The following CCSER1 variants were observed in gnomAD, a reference collection of about 807,000 sequenced individuals.
CCSER1 encodes serine-rich coiled-coil domain-containing protein 1.
CCSER1 carries 41 observed loss-of-function variants against 82.0 expected under a neutral mutation model. That is an observed-to-expected ratio of 0.50 (90% CI 0.39 to 0.65). The LOEUF (loss-of-function observed/expected upper bound fraction) is 0.65, where lower values mean the gene tolerates loss of function less well. CCSER1 is among the 30% of genes least tolerant of loss of function. The probability of loss-of-function intolerance (pLI) is 0.00; values close to 1 mark genes in which losing one functional copy is unlikely to be tolerated. For missense variants in CCSER1, 1,119 were observed against 1,064.2 expected, an observed-to-expected ratio of 1.05 and a Z score of -0.72; for synonymous variants, 414 against 383.9, an observed-to-expected ratio of 1.08 and a Z score of -0.92.
intron 10 of CCSER1, among the ~76,000 whole-genome samples, chr4:91,182,152 G>A (rs916207723): frequency 1.3e-5 from 2 of 152,148 alleles, no homozygotes; most frequent in African/African-American, 2.4e-5. Flanking sequence ...CCTCCTCAGT[G>A]TCAGTCTCAA....
At chr4:91,175,791 G>T (rs1237127657) in intron 10 of CCSER1, among the ~76,000 whole-genome samples, 1 of 152,116 alleles carries the variant, frequency 6.6e-6, no homozygotes, top group Non-Finnish European at 1.5e-5. Context: ...TCACTCTGAT[G>T]GTGGTTTCTT....
At chr4:91,250,334 A>C (rs1437001320) in intron 10 of CCSER1, among the ~76,000 whole-genome samples, 1 of 152,124 alleles carries the variant, frequency 6.6e-6, no homozygotes, top group South Asian at 2.1e-4. Flanking sequence ...TGGAGCACTT[A>C]TTTATGCAAG....
intron 10 of CCSER1, among the ~76,000 whole-genome samples, chr4:91,261,812 A>G (rs1741202823): frequency 6.6e-6 from 1 of 152,184 alleles, no homozygotes; most frequent in Admixed American, 6.5e-5. Flanking sequence ...GATTTTTAAA[A>G]TTATTAAGCA....
chr4:91,579,458 G>A (rs896417545), intron 10 of CCSER1, among the ~76,000 whole-genome samples: 1 of 151,624 alleles, frequency 6.6e-6, no homozygotes, highest in African/African-American at 2.4e-5. Flanking sequence ...GCATCTATGT[G>A]ATGAAAACAT....
At chr4:91,207,608 A>G (rs754592909) in intron 10 of CCSER1, among the ~76,000 whole-genome samples, 7 of 151,744 alleles carry the variant, frequency 4.6e-5, no homozygotes, top group Non-Finnish European at 8.8e-5. Context: ...TATGTACCAC[A>G]TTTTCTTTAT....
At chr4:91,094,070 T>C (rs893553152) in intron 10 of CCSER1, among the ~76,000 whole-genome samples, 4 of 152,214 alleles carry the variant, frequency 2.6e-5, no homozygotes, top group Non-Finnish European at 5.9e-5. Flanking sequence ...GGACATCTTA[T>C]ACTCACAGTC....
chr4:91,457,025 A>G (rs1756218554), intron 10 of CCSER1, among the ~76,000 whole-genome samples: 1 of 152,118 alleles, frequency 6.6e-6, no homozygotes. Context: ...TTGAGTAGCT[A>G]CTATGTGCAT....
chr4:90,501,460 G>T (rs916900483), intron 5 of CCSER1, among the ~76,000 whole-genome samples: 6 of 152,076 alleles, frequency 3.9e-5, no homozygotes, highest in South Asian at 2.1e-4. Flanking sequence ...AATAATAATT[G>T]CTTCTCGTTT....
At chr4:90,967,502 C>T (rs536760176) in intron 9 of CCSER1, among the ~76,000 whole-genome samples, 4 of 151,770 alleles carry the variant, frequency 2.6e-5, no homozygotes, top group African/African-American at 4.8e-5. Flanking sequence ...AATATATCCA[C>T]AAGCAAAAGA....
intron 5 of CCSER1, among the ~76,000 whole-genome samples, chr4:90,527,628 A>G (rs1342251189): frequency 6.6e-6 from 1 of 152,166 alleles, no homozygotes; most frequent in African/African-American, 2.4e-5. Flanking sequence ...TTTTGCTATA[A>G]TGGAATTTAT....
intron 10 of CCSER1, among the ~76,000 whole-genome samples, chr4:91,216,182 A>T (rs190224686): frequency 7.9e-5 from 12 of 152,312 alleles, no homozygotes; most frequent in Non-Finnish European, 1.6e-4. Flanking sequence ...CTGGTCAAGA[A>T]GAACCTCCCA....
intron 8 of CCSER1, among the ~76,000 whole-genome samples, chr4:90,826,501 G>C (rs1760472785): frequency 1.3e-5 from 2 of 152,190 alleles, no homozygotes; most frequent in South Asian, 4.1e-4. Context: ...ACAGCCACTA[G>C]CTACTGAGCT....
At chr4:90,514,426 A>C (rs1771962359) in intron 5 of CCSER1, among the ~76,000 whole-genome samples, 1 of 152,172 alleles carries the variant, frequency 6.6e-6, no homozygotes, top group Non-Finnish European at 1.5e-5. Flanking sequence ...ATTTTAATAG[A>C]TTATAGCTAT....
At chr4:90,515,069 G>T (rs1772078164) in intron 5 of CCSER1, among the ~76,000 whole-genome samples, 1 of 151,976 alleles carries the variant, frequency 6.6e-6, no homozygotes, top group South Asian at 2.1e-4. Context: ...TGTTGGTCAG[G>T]CTGGTCTCGA....
intron 9 of CCSER1, among the ~76,000 whole-genome samples, chr4:90,965,841 G>T (rs951191827): frequency 2.6e-5 from 4 of 152,112 alleles, no homozygotes; most frequent in Non-Finnish European, 5.9e-5. Context: ...TATTTAAGAA[G>T]TGATGGAAGC....
intron 1 of CCSER1, among the ~76,000 whole-genome samples, chr4:90,271,863 T>TATATATATATATATATA (rs61116868): frequency 1.8e-3 from 36 of 19,734 alleles, no homozygotes; most frequent in African/African-American, 3.8e-3. Flanking sequence ...TATATATATA[T>TATATATATATATATATA]TTTTTTTTTT....
intron 5 of CCSER1, among the ~76,000 whole-genome samples, chr4:90,473,769 T>C (rs919610264): frequency 3.9e-5 from 6 of 152,344 alleles, no homozygotes; most frequent in Admixed American, 1.3e-4. Flanking sequence ...TGTGGTTATA[T>C]TGGAGACATA....
At chr4:91,148,700 G>C (rs1471978941) in intron 10 of CCSER1, among the ~76,000 whole-genome samples, 1 of 152,056 alleles carries the variant, frequency 6.6e-6, no homozygotes, top group Non-Finnish European at 1.5e-5. Context: ...TGTTCTCATT[G>C]TTCAAATCCC....
At chr4:91,300,160 G>C (rs545095269) in intron 10 of CCSER1, among the ~76,000 whole-genome samples, 31 of 151,928 alleles carry the variant, frequency 2.0e-4, no homozygotes, top group Middle Eastern at 3.4e-3. Flanking sequence ...ATATCAGGGA[G>C]GCCTGTTATA....
Sources: allele counts gnomAD v4.1 joint callset (sites outside exome capture counted in the v4.1 genomes callset), GRCh38; gene constraint gnomAD v4.1.1; transcripts MANE v1.5; gene names NCBI Gene and HGNC (gene_info 2026-07-23, HGNC 2026-07-21).